Variants in FOXN3 observed in about 807,000 individuals in gnomAD.
FOXN3 encodes forkhead box N3, also known as forkhead box protein N3.
A neutral mutation model predicts 38.4 loss-of-function variants in FOXN3; 7 were observed. The observed-to-expected ratio is 0.18, with a 90% CI of 0.10 to 0.34. FOXN3 has a LOEUF of 0.34. FOXN3 is among the 10% of genes least tolerant of loss of function. FOXN3 has a pLI of 1.00. For synonymous variants in FOXN3, 230 were observed against 242.2 expected, an observed-to-expected ratio of 0.95 and a Z score of 0.47; for missense variants, 456 against 613.4, an observed-to-expected ratio of 0.74 and a Z score of 2.71.
At chr14:89,477,558 GC>G (rs1566669578) in intron 1 of FOXN3, among the ~76,000 whole-genome samples, 1 of 152,234 alleles carries the variant, frequency 6.6e-6, no homozygotes, top group East Asian at 1.9e-4. Flanking sequence ...CAAGAACACA[GC>G]TGCAAAGAGT....
At chr14:89,235,022 T>C (rs182435694) in intron 4 of FOXN3, among the ~76,000 whole-genome samples, 184 of 152,288 alleles carry the variant, frequency 1.2e-3, no homozygotes, top group African/African-American at 4.2e-3. Context: ...TCCCTGATGA[T>C]ACTCGTAACT....
upstream of FOXN3, chr14:89,417,850 G>T: frequency 6.9e-6 from 3 of 435,494 alleles, no homozygotes; most frequent in Middle Eastern, 2.0e-3. Context: ...AGGGAGGGCC[G>T]GTGGCCATTA....
intron 4 of FOXN3, among the ~76,000 whole-genome samples, chr14:89,218,967 T>A (rs1054915617): frequency 6.6e-6 from 1 of 152,252 alleles, no homozygotes; most frequent in African/African-American, 2.4e-5. Flanking sequence ...AGGTCTTCCA[T>A]AAGCAAAGCT....
At chr14:89,178,207 C>T (rs780324660) in intron 5 of FOXN3, among the ~76,000 whole-genome samples, 52 of 150,468 alleles carry the variant, frequency 3.5e-4, no homozygotes, top group Non-Finnish European at 2.7e-4. Context: ...GATAAGTTTT[C>T]GCCATGTTGC....
intron 4 of FOXN3, among the ~76,000 whole-genome samples, chr14:89,209,710 G>T (rs1888473179): frequency 6.6e-6 from 1 of 152,174 alleles, no homozygotes; most frequent in South Asian, 2.1e-4. Context: ...TTAAAGAAAA[G>T]AATAATTGCT....
At chr14:89,593,360 A>G (rs1202731904) in intron 1 of FOXN3, among the ~76,000 whole-genome samples, 7 of 152,106 alleles carry the variant, frequency 4.6e-5, no homozygotes, top group Admixed American at 2.0e-4. Flanking sequence ...AAAAACTAAA[A>G]GGGCGTGGTG....
chr14:89,318,056 G>C (rs1027750194), intron 3 of FOXN3, among the ~76,000 whole-genome samples: 1 of 151,226 alleles, frequency 6.6e-6, no homozygotes, highest in Non-Finnish European at 1.5e-5. Context: ...GCTATATTAG[G>C]GCATCTTATA....
At chr14:89,262,980 T>A (rs527713368) in intron 4 of FOXN3, among the ~76,000 whole-genome samples, 54 of 152,310 alleles carry the variant, frequency 3.5e-4, no homozygotes, top group African/African-American at 1.3e-3. Context: ...ACTAAAAAGA[T>A]CTTGGCTATC....
intron 1 of FOXN3, among the ~76,000 whole-genome samples, chr14:89,512,906 C>A (rs1001867025): frequency 6.6e-6 from 1 of 151,884 alleles, no homozygotes; most frequent in Non-Finnish European, 1.5e-5. Context: ...TATGGGAGGC[C>A]GAGGTGGGTG....
chr14:89,169,283 T>G (rs984810476), intron 5 of FOXN3, among the ~76,000 whole-genome samples: 4 of 151,856 alleles, frequency 2.6e-5, no homozygotes, highest in Admixed American at 6.6e-5. Context: ...TCTACAAAAA[T>G]GCAAAAAATT....
rs890840523 is a variant in FOXN3, at chr14:89,446,179, TTTTTTTTTTTTTTTTTC to T, written c.-14-33706_-14-33690del. On this transcript the variant is annotated intron_variant, in intron 1 of 6. Transcript: ENST00000345097. ...CTTTTTCTCTCCTTCCTAAAAGTCT[TTTTTTTTTTTTTTTTTC>T]TTTTTTTTTTGAGACAGAGTCTCAC... Among the ~76,000 whole-genome samples the T allele has an allele frequency of 9.2e-5, 6 of 65,570 alleles. 1 individual carries two copies. The highest frequency in any genetic ancestry group is 2.0e-4 in the African/African-American group (3 of 15,036). 43.0% of individuals were successfully genotyped at this position (65,570 alleles called of 152,430 possible). A position where few individuals can be genotyped will look rare whatever the true frequency, so the allele number is the denominator to read the frequency against.
chr14:89,316,207 T>C (rs1348127164), intron 3 of FOXN3, among the ~76,000 whole-genome samples: 1 of 152,150 alleles, frequency 6.6e-6, no homozygotes, highest in Non-Finnish European at 1.5e-5. Context: ...TGAAAAAGCT[T>C]GGAATCGCTT....
chr14:89,560,210 G>T lies in FOXN3; in HGVS notation c.-15+58818C>A, dbSNP rs79318705. ...GAACTCACTCACTATCATGAGAACT[G>T]CAAGAGGGAAATTTGCCCCCATGAT... On this transcript the variant is annotated intron_variant, in intron 1 of 6. Transcript: ENST00000345097. 9.2e-3 allele frequency among the ~76,000 whole-genome samples: 1,399 copies of T among 152,238 alleles called. 14 individuals are homozygous for T. The highest frequency in any genetic ancestry group is 0.02 in the Middle Eastern group (6 of 294).
chr14:89,530,811 T>C (rs937623480), intron 1 of FOXN3, among the ~76,000 whole-genome samples: 5 of 151,182 alleles, frequency 3.3e-5, no homozygotes, highest in Admixed American at 6.6e-5. Flanking sequence ...GGTTTCACCA[T>C]GTTGGCCAGG....
rs183241841 is a variant in FOXN3 at position 89,405,214 on chromosome 14, G to A, written c.543+6720C>T. Among the ~76,000 whole-genome samples, 323 of 152,160 alleles carry A rather than the reference G, an allele frequency of 2.1e-3. 1 individual carries two copies. The highest frequency in any genetic ancestry group is 7.2e-3 in the African/African-American group (298 of 41,484). Reference sequence around the variant, plus strand: ...TGTAGTGGCGTGATCTTCACTCACCGCAACCTCTGCCTCCCGGGTTCAAGC... The same window carrying A: ...TGTAGTGGCGTGATCTTCACTCACCACAACCTCTGCCTCCCGGGTTCAAGC... On this transcript the variant is annotated intron_variant, in intron 2 of 5. Coordinates refer to ENST00000557258, the MANE Select transcript of FOXN3 (RefSeq NM_005197.4).
rs759533471 is a variant in FOXN3, at chr14:89,303,675, G to A, written c.681-22661C>T. On this transcript the variant is annotated intron_variant, in intron 3 of 5. Coordinates refer to ENST00000557258, the MANE Select transcript of FOXN3 (RefSeq NM_005197.4). ...CATGATGCTTACATAACTACCTCCC[G>A]TTTCCTGCTGTCTCTTGAGTTTGGT... Among the ~76,000 whole-genome samples, 5 of 152,086 alleles carry A rather than the reference G, an allele frequency of 3.3e-5. No individual in the cohort carries two copies. In the East Asian group the frequency reaches 7.7e-4, roughly 23 times the overall value.
chr14:89,238,676 C>T (rs143999096), intron 4 of FOXN3, among the ~76,000 whole-genome samples: 1 of 152,288 alleles, frequency 6.6e-6, no homozygotes, highest in Non-Finnish European at 1.5e-5. Context: ...GCAACTAGTA[C>T]ATATTGGATA....
At chr14:89,557,618 G>A (rs1895154294) in intron 1 of FOXN3, among the ~76,000 whole-genome samples, 1 of 152,188 alleles carries the variant, frequency 6.6e-6, no homozygotes, top group East Asian at 1.9e-4. Flanking sequence ...TTGCTGGGGT[G>A]TGGCAGAAGC....
At chr14:89,215,809 CA>C (rs1884262318) in intron 4 of FOXN3, among the ~76,000 whole-genome samples, 1 of 151,862 alleles carries the variant, frequency 6.6e-6, no homozygotes, top group African/African-American at 2.4e-5. Flanking sequence ...GCGGCGGCGG[CA>C]AGACAGCTGA....
Sources: gnomAD v4.1 joint callset for allele counts (sites outside exome capture counted in the v4.1 genomes callset) on GRCh38, gnomAD v4.1.1 for gene constraint, MANE v1.5 for transcripts, NCBI Gene and HGNC (gene_info 2026-07-23, HGNC 2026-07-21) for gene names.